ZPBP: variants seen among roughly 807,000 people sequenced by gnomAD.
ZPBP encodes the protein zona pellucida binding protein.
ZPBP carries 26 observed loss-of-function variants against 44.8 expected under a neutral mutation model. The observed-to-expected ratio is 0.58, with a 90% CI of 0.43 to 0.81. The LOEUF (loss-of-function observed/expected upper bound fraction) is 0.81, where lower values mean the gene tolerates loss of function less well. Among genes scored for constraint, ZPBP ranks in the 30% least tolerant of loss-of-function variants. The probability of loss-of-function intolerance (pLI) is 0.00; values close to 1 mark genes in which losing one functional copy is unlikely to be tolerated. For synonymous variants in ZPBP, 174 were observed against 153.2 expected (o/e 1.14, Z -1.00); for missense variants, 409 against 434.0 (o/e 0.94, Z 0.51).
chr7:50,055,675 C>A (rs1800906886), intron 4 of ZPBP, among the ~76,000 whole-genome samples: 1 of 152,144 alleles, frequency 6.6e-6, no homozygotes, highest in Non-Finnish European at 1.5e-5. Context: ...AATGCTTACA[C>A]TAAGCAAGCA....
intron 1 of ZPBP, among the ~76,000 whole-genome samples, chr7:49,902,889 G>A (rs1236985531): frequency 3.9e-5 from 6 of 152,016 alleles, no homozygotes; most frequent in Admixed American, 1.3e-4. Flanking sequence ...GGAACAGTAC[G>A]TGGAACATAT....
rs538028871 is a variant in ZPBP, at chr7:49,946,103, C to A, written c.962-8481G>T. 5.9e-5 allele frequency among the ~76,000 whole-genome samples: 9 copies of A among 152,170 alleles called. No homozygotes were observed. The South Asian group carries it at 1.5e-3, about 25-fold the overall frequency. ...GCAAAGAGAAAACTAGTAAAAAACT[C>A]TACAGTTTAACTTCATCCCCCCCTT... On this transcript the variant is annotated intron_variant, in intron 7 of 7. Transcript: ENST00000046087.
intron 7 of ZPBP, among the ~76,000 whole-genome samples, chr7:49,957,807 C>G (rs1470297774): frequency 6.6e-6 from 1 of 152,086 alleles, no homozygotes; most frequent in Non-Finnish European, 1.5e-5. Flanking sequence ...ATAGTAGAGC[C>G]ACGAGAGCAA....
intron 2 of ZPBP, among the ~76,000 whole-genome samples, chr7:49,897,676 C>T (rs1311792344): frequency 6.6e-6 from 1 of 152,230 alleles, no homozygotes; most frequent in Non-Finnish European, 1.5e-5. Context: ...CAGAAAATCA[C>T]AACTTACCTG....
chr7:49,938,832 A>T (rs1794728983), intron 7 of ZPBP, among the ~76,000 whole-genome samples: 1 of 152,218 alleles, frequency 6.6e-6, no homozygotes, highest in South Asian at 2.1e-4. Flanking sequence ...TGATTCAATG[A>T]TACAAGTTAA....
chr7:49,961,088 A>G (rs1161077289), intron 7 of ZPBP, among the ~76,000 whole-genome samples: 1 of 152,188 alleles, frequency 6.6e-6, no homozygotes, highest in Non-Finnish European at 1.5e-5. Context: ...TAACCATATG[A>G]CCCAGCAATC....
chr7:50,038,800 G>T (rs1258418134), intron 4 of ZPBP, among the ~76,000 whole-genome samples: 4 of 152,084 alleles, frequency 2.6e-5, no homozygotes, highest in African/African-American at 9.7e-5. Flanking sequence ...AAATACCACA[G>T]TATTACAACT....
At chr7:49,995,560 G>A (rs772303618) in intron 6 of ZPBP, among the ~76,000 whole-genome samples, 2 of 152,192 alleles carry the variant, frequency 1.3e-5, no homozygotes, top group Non-Finnish European at 2.9e-5. Flanking sequence ...AGAGATAAAT[G>A]CGGATCACCA....
intron 3 of ZPBP, among the ~76,000 whole-genome samples, chr7:50,078,889 T>C (rs1247070827): frequency 6.8e-6 from 1 of 146,000 alleles, no homozygotes; most frequent in Non-Finnish European, 1.5e-5. Context: ...CACTAAAAAA[T>C]GGGCAAAAGA....
At chr7:49,981,411 T>C (rs1472111285) in intron 7 of ZPBP, among the ~76,000 whole-genome samples, 1 of 35,128 alleles carries the variant, frequency 2.8e-5, no homozygotes, top group Non-Finnish European at 5.2e-5. Context: ...ATAAAATATA[T>C]ATAATATATA....
At chr7:49,977,241 T>C (rs554942204) in intron 7 of ZPBP, among the ~76,000 whole-genome samples, 14 of 152,254 alleles carry the variant, frequency 9.2e-5, no homozygotes, top group Admixed American at 4.6e-4. Context: ...TTCAGAAATA[T>C]AATGATTCAA....
At chr7:49,989,679 T>C (rs1215425983) in intron 6 of ZPBP, among the ~76,000 whole-genome samples, 2 of 152,268 alleles carry the variant, frequency 1.3e-5, no homozygotes, top group East Asian at 3.9e-4. Context: ...CATTTTAGAG[T>C]AACCCTGCTT....
At chr7:49,931,553 T>G (rs974003108) in intron 1 of ZPBP, among the ~76,000 whole-genome samples, 2 of 151,320 alleles carry the variant, frequency 1.3e-5, no homozygotes, top group Non-Finnish European at 2.9e-5. Flanking sequence ...GAGAGATGAT[T>G]TACGGTACCC....
chr7:49,929,889 T>G (rs1794388896), intron 1 of ZPBP, among the ~76,000 whole-genome samples: 1 of 152,194 alleles, frequency 6.6e-6, no homozygotes, highest in Non-Finnish European at 1.5e-5. Flanking sequence ...ATGATTTGTA[T>G]AAGAAAAAGA....
chr7:50,040,294 A>G (rs1223459789), intron 4 of ZPBP, among the ~76,000 whole-genome samples: 1 of 152,254 alleles, frequency 6.6e-6, no homozygotes, highest in Non-Finnish European at 1.5e-5. Flanking sequence ...ATGTTAAAAG[A>G]TATACCATGC....
At position 50,003,532 on chromosome 7, in the gene ZPBP, C is replaced by A. The variant is rs1450328415; in HGVS notation, c.783+14708G>T. 2.0e-5 allele frequency among the ~76,000 whole-genome samples: 3 copies of A among 152,292 alleles called. No individual in the cohort carries two copies. The East Asian group carries it at 5.8e-4, about 29-fold the overall frequency. ...GTGGAATGTGCTTACAGCATTCTAGCTGGTCTGGGGAACTACTTGAGAGAC... is the reference window on the plus strand; with the variant it reads ...GTGGAATGTGCTTACAGCATTCTAGATGGTCTGGGGAACTACTTGAGAGAC... On this transcript the variant is annotated intron_variant, in intron 6 of 7. Coordinates refer to ENST00000046087, the MANE Select transcript of ZPBP (RefSeq NM_007009.3).
chr7:50,032,618 C>T (rs1031141571), intron 4 of ZPBP, among the ~76,000 whole-genome samples: 5 of 152,140 alleles, frequency 3.3e-5, no homozygotes, highest in Non-Finnish European at 5.9e-5. Context: ...AGGATTAGCC[C>T]TTGGCTGGTA....
rs961352947 is a variant in ZPBP, at chr7:50,028,504, T to C, written c.706+2588A>G. ...AGAGCAATTTTGCAAGAAAAAGGTG[T>C]AAAATGTATCCAGGGTGGAAAGTGT... On this transcript the variant is annotated intron_variant, in intron 5 of 7. Coordinates refer to ENST00000046087, the MANE Select transcript of ZPBP (RefSeq NM_007009.3). Among the ~76,000 whole-genome samples, 3 of 151,948 alleles carry C rather than the reference T, an allele frequency of 2.0e-5. No individual in the cohort carries two copies. In the South Asian group the frequency reaches 6.2e-4, roughly 31 times the overall value.
At chr7:50,020,108 G>T (rs999780635) in intron 5 of ZPBP, among the ~76,000 whole-genome samples, 3 of 151,630 alleles carry the variant, frequency 2.0e-5, no homozygotes, top group Non-Finnish European at 4.4e-5. Context: ...CTAGCAAACT[G>T]TAGCCAGGTC....
Sources: gnomAD v4.1 joint callset for allele counts (sites outside exome capture counted in the v4.1 genomes callset) on GRCh38, gnomAD v4.1.1 for gene constraint, MANE v1.5 for transcripts, NCBI Gene and HGNC (gene_info 2026-07-23, HGNC 2026-07-21) for gene names.